SMYD3: variants seen among roughly 807,000 people sequenced by gnomAD.
SMYD3 encodes SET and MYND domain containing 3.
SMYD3 carries 36 observed loss-of-function variants against 57.7 expected under a neutral mutation model. That is an observed-to-expected ratio of 0.62 (90% CI 0.48 to 0.82). The LOEUF (loss-of-function observed/expected upper bound fraction) is 0.82, where lower values mean the gene tolerates loss of function less well. SMYD3 is among the 40% of genes least tolerant of loss of function. The pLI, the probability that SMYD3 is intolerant of heterozygous loss-of-function variation, is 0.00. For missense variants in SMYD3, 515 were observed against 538.8 expected, an observed-to-expected ratio of 0.96 and a Z score of 0.44; for synonymous variants, 211 against 195.0, an observed-to-expected ratio of 1.08 and a Z score of -0.68.
chr1:246,043,789 C>A (rs2059917493), intron 5 of SMYD3, among the ~76,000 whole-genome samples: 1 of 152,210 alleles, frequency 6.6e-6, no homozygotes, highest in Admixed American at 6.5e-5. Context: ...CTGGCAGCTT[C>A]CCAAAGCTCT....
chr1:245,817,017 G>C (rs61831344), intron 10 of SMYD3, among the ~76,000 whole-genome samples: 15 of 151,324 alleles, frequency 9.9e-5, no homozygotes, highest in Admixed American at 5.9e-4. Context: ...CAAAGCAGCC[G>C]GGAAGCTCGA....
intron 10 of SMYD3, among the ~76,000 whole-genome samples, chr1:245,817,664 A>C (rs2048929117): frequency 1.3e-5 from 2 of 151,810 alleles, no homozygotes; most frequent in South Asian, 4.2e-4. Flanking sequence ...ATTTAGAAGA[A>C]TGTATAACTA....
At chr1:245,963,104 T>G (rs551936746) in intron 5 of SMYD3, among the ~76,000 whole-genome samples, 5 of 152,162 alleles carry the variant, frequency 3.3e-5, no homozygotes, top group African/African-American at 1.2e-4. Flanking sequence ...GAAGTCACCA[T>G]TCCATCCTAA....
chr1:246,021,168 T>A (rs865811360), intron 5 of SMYD3, among the ~76,000 whole-genome samples: 1 of 152,236 alleles, frequency 6.6e-6, no homozygotes, highest in Admixed American at 6.5e-5. Context: ...CAGTCTCTGA[T>A]AGAAGTTCCT....
At chr1:245,833,993 TGTAAA>T (rs1221796650) in intron 10 of SMYD3, among the ~76,000 whole-genome samples, 1 of 152,258 alleles carries the variant, frequency 6.6e-6, no homozygotes, top group Non-Finnish European at 1.5e-5. Flanking sequence ...TCAAGTGTAC[TGTAAA>T]GGTTCTGGGA....
intron 5 of SMYD3, among the ~76,000 whole-genome samples, chr1:246,217,344 C>G (rs2063180553): frequency 6.6e-6 from 1 of 152,062 alleles, no homozygotes; most frequent in South Asian, 2.1e-4. Context: ...TAGGGAGACC[C>G]TGTCTCTACG....
At chr1:246,351,017 T>G (rs1340812025) in intron 2 of SMYD3, among the ~76,000 whole-genome samples, 1 of 152,248 alleles carries the variant, frequency 6.6e-6, no homozygotes, top group Non-Finnish European at 1.5e-5. Context: ...TCATTATCAC[T>G]GCTTTGGTTA....
At chr1:245,911,920 G>A (rs932367825) in intron 8 of SMYD3, among the ~76,000 whole-genome samples, 1 of 152,038 alleles carries the variant, frequency 6.6e-6, no homozygotes, top group Non-Finnish European at 1.5e-5. Context: ...TTGAGGAGAT[G>A]GATCTCCCAG....
chr1:246,115,122 A>T (rs2061322497), intron 5 of SMYD3, among the ~76,000 whole-genome samples: 1 of 151,898 alleles, frequency 6.6e-6, no homozygotes, highest in South Asian at 2.1e-4. Context: ...CAGAGAGGAA[A>T]GAAGTGTACA....
chr1:245,756,758 T>C (rs1318688441), intron 11 of SMYD3, among the ~76,000 whole-genome samples: 1 of 151,882 alleles, frequency 6.6e-6, no homozygotes, highest in Non-Finnish European at 1.5e-5. Flanking sequence ...TTGTTTTTCC[T>C]GTACAGGTAA....
intron 5 of SMYD3, among the ~76,000 whole-genome samples, chr1:246,055,092 A>G (rs1245379476): frequency 6.6e-6 from 1 of 151,412 alleles, no homozygotes; most frequent in East Asian, 2.0e-4. Flanking sequence ...AGGAGAATGG[A>G]GTGAACCCGG....
At chr1:245,858,417 G>C in intron 10 of SMYD3, 79 bp downstream of exon 10, 2 of 1,406,546 alleles carry the variant, frequency 1.4e-6, no homozygotes, top group Non-Finnish European at 1.9e-6. Context: ...GTAGTAATCA[G>C]AATGACTTCA....
chr1:246,463,695 G>C (rs1168384047), intron 1 of SMYD3, among the ~76,000 whole-genome samples: 1 of 149,438 alleles, frequency 6.7e-6, no homozygotes, highest in African/African-American at 2.4e-5. Flanking sequence ...CATTAGCTGG[G>C]TGTTGTGGCG....
At chr1:245,999,994 A>G (rs2059009784) in intron 5 of SMYD3, among the ~76,000 whole-genome samples, 1 of 152,220 alleles carries the variant, frequency 6.6e-6, no homozygotes, top group South Asian at 2.1e-4. Flanking sequence ...TAAAATTGGA[A>G]TAATATACCT....
At chr1:245,800,291 G>A (rs769037431) in intron 10 of SMYD3, among the ~76,000 whole-genome samples, 97 of 152,124 alleles carry the variant, frequency 6.4e-4, no homozygotes, top group Admixed American at 1.4e-3. Context: ...TCCTTCCATC[G>A]GAAGCTCTTC....
chr1:245,799,382 C>A (rs1268395765), intron 10 of SMYD3, among the ~76,000 whole-genome samples: 10 of 144,984 alleles, frequency 6.9e-5, no homozygotes, highest in Admixed American at 6.9e-4. Context: ...GTGTAGGACC[C>A]CAAAAACTGG....
chr1:246,406,620 T>C (rs560885813), intron 1 of SMYD3, among the ~76,000 whole-genome samples: 33 of 152,348 alleles, frequency 2.2e-4, no homozygotes, highest in African/African-American at 7.9e-4. Flanking sequence ...GCACATGACA[T>C]GTACCAGCTT....
At chr1:246,100,841 G>A (rs1208088740) in intron 5 of SMYD3, among the ~76,000 whole-genome samples, 1 of 151,786 alleles carries the variant, frequency 6.6e-6, no homozygotes, top group Non-Finnish European at 1.5e-5. Flanking sequence ...GCAACTTCTT[G>A]TCCATGCAGT....
Position 246,507,132 on chromosome 1 carries a change from A to G in SMYD3, c.86T>C (p.Leu29Pro). The stretch of plus-strand genomic sequence containing the variant: ...CGCCAAGGGATCCGAGCGGAAGAGT[A>G]GCTCTCCGGGGCGCAGCGGGGTCAC... ...RAVTPLRPGE[L>P]LFRSDPLAYT... Residue 29 changes from leucine to proline, a missense_variant, in exon 1 of 12, where the codon CTA (leucine) becomes CCA (proline). Transcript: ENST00000490107. 1.3e-6 allele frequency: 2 copies of G among 1,533,924 alleles called. No homozygotes were observed. Among genetic ancestry groups the G allele is most frequent in the East Asian group, 5.2e-5 (2 of 38,594 alleles).
Sources: gnomAD v4.1 joint callset for allele counts (sites outside exome capture counted in the v4.1 genomes callset) on GRCh38, gnomAD v4.1.1 for gene constraint, MANE v1.5 for transcripts, NCBI Gene and HGNC (gene_info 2026-07-23, HGNC 2026-07-21) for gene names.